Variants in MGAT5 observed in about 807,000 individuals in gnomAD.
MGAT5 encodes the protein alpha-1,6-mannosylglycoprotein 6-beta-N-acetylglucosaminyltransferase.
MGAT5 carries 30 observed loss-of-function variants against 94.3 expected under a neutral mutation model. That is an observed-to-expected ratio of 0.32 (90% CI 0.24 to 0.43). The LOEUF (loss-of-function observed/expected upper bound fraction) is 0.43, where lower values mean the gene tolerates loss of function less well. Among genes scored for constraint, MGAT5 ranks in the 20% least tolerant of loss-of-function variants. The pLI is 1.00. For synonymous variants in MGAT5, 310 were observed against 322.9 expected, an observed-to-expected ratio of 0.96 and a Z score of 0.43; for missense variants, 691 against 905.5, an observed-to-expected ratio of 0.76 and a Z score of 3.04.
At chr2:134,236,260 T>C (rs1382225467) in intron 1 of MGAT5, among the ~76,000 whole-genome samples, 2 of 152,126 alleles carry the variant, frequency 1.3e-5, no homozygotes, top group African/African-American at 4.8e-5. Flanking sequence ...TTCTTCACCT[T>C]TTATTCCTGG....
At chr2:134,170,373 T>C (rs575040574) in intron 1 of MGAT5, among the ~76,000 whole-genome samples, 2 of 152,212 alleles carry the variant, frequency 1.3e-5, no homozygotes, top group African/African-American at 2.4e-5. Context: ...GTCCATCCTT[T>C]AGTAAACATT....
At chr2:134,351,719 A>G (rs1679393697) in intron 9 of MGAT5, among the ~76,000 whole-genome samples, 1 of 152,148 alleles carries the variant, frequency 6.6e-6, no homozygotes. Context: ...GAAAATTGAT[A>G]TGCTTGACTA....
chr2:134,221,039 C>A (rs1281020628), intron 1 of MGAT5, among the ~76,000 whole-genome samples: 1 of 152,074 alleles, frequency 6.6e-6, no homozygotes, highest in Non-Finnish European at 1.5e-5. Context: ...GTTGAGAGCC[C>A]CACTCTTTCT....
chr2:134,189,119 T>C (rs950779608), intron 1 of MGAT5, among the ~76,000 whole-genome samples: 3 of 152,184 alleles, frequency 2.0e-5, no homozygotes, highest in African/African-American at 4.8e-5. Context: ...GTCCAGTTTC[T>C]ATTGGGGTTT....
At chr2:134,343,458 G>A (rs1448083553) in intron 7 of MGAT5, among the ~76,000 whole-genome samples, 4 of 152,160 alleles carry the variant, frequency 2.6e-5, no homozygotes, top group African/African-American at 4.8e-5. Context: ...ACTGGGGTCA[G>A]GGCTAGATGT....
chr2:134,181,884 C>T (rs1688750459), intron 1 of MGAT5, among the ~76,000 whole-genome samples: 1 of 152,158 alleles, frequency 6.6e-6, no homozygotes, highest in Admixed American at 6.5e-5. Flanking sequence ...ATCTCTAACC[C>T]TTATGGTACA....
intron 1 of MGAT5, among the ~76,000 whole-genome samples, chr2:134,175,787 C>T (rs1439605385): frequency 2.6e-5 from 4 of 152,180 alleles, no homozygotes; most frequent in Non-Finnish European, 5.9e-5. Flanking sequence ...GTGTCCACCT[C>T]CCTGGAAGAA....
chr2:134,322,961 A>T (rs1175889329), intron 4 of MGAT5, among the ~76,000 whole-genome samples: 1 of 152,168 alleles, frequency 6.6e-6, no homozygotes, highest in Non-Finnish European at 1.5e-5. Context: ...AGATGCCAAA[A>T]GGACATGAAG....
At chr2:134,177,005 G>A (rs979888430) in intron 1 of MGAT5, among the ~76,000 whole-genome samples, 2 of 152,104 alleles carry the variant, frequency 1.3e-5, no homozygotes, top group African/African-American at 4.8e-5. Flanking sequence ...TGCCCAAGTG[G>A]GTTCCCCTTA....
At chr2:134,247,359 T>TAAAAAAAAAAAAAA (rs34029606) in intron 1 of MGAT5, among the ~76,000 whole-genome samples, 2 of 91,500 alleles carry the variant, frequency 2.2e-5, no homozygotes, top group South Asian at 4.2e-4. Context: ...GGGCCTGAAT[T>TAAAAAAAAAAAAAA]AAAAAAAAAA....
At chr2:134,250,818 ATT>A (rs1350791620), upstream of MGAT5, among the ~76,000 whole-genome samples, 1 of 152,084 alleles carries the variant, frequency 6.6e-6, no homozygotes, top group Non-Finnish European at 1.5e-5. Flanking sequence ...AACTGGGATA[ATT>A]TTACCTAGGC....
chr2:134,442,404 G>A lies in MGAT5; in HGVS notation c.2027+489G>A, dbSNP rs139441868. On this transcript the variant is annotated intron_variant, in intron 15 of 15. Coordinates refer to ENST00000281923, the MANE Select transcript of MGAT5 (RefSeq NM_002410.5). Reference sequence around the variant, plus strand: ...GAATGAGAAACATGGAGAAGGAGCCGGCACAAAACTGCCCACAACAATCTC... The same window carrying A: ...GAATGAGAAACATGGAGAAGGAGCCAGCACAAAACTGCCCACAACAATCTC... Among the ~76,000 whole-genome samples, 192 of 152,184 alleles carry A rather than the reference G, an allele frequency of 1.3e-3. 1 individual carries two copies. Among genetic ancestry groups the A allele is most frequent in the African/African-American group, 4.2e-3 (173 of 41,512 alleles).
chr2:134,334,031 A>T lies in MGAT5; in HGVS notation c.574-2186A>T, dbSNP rs74592094. The stretch of plus-strand genomic sequence containing the variant: ...CCCGCTCTGTGCTAAGATGTTCATA[A>T]TTGATTTTCCCACCATTACGAGTGC... On this transcript the variant is annotated intron_variant, in intron 4 of 15. Transcript: ENST00000281923. Among the ~76,000 whole-genome samples the T allele has an allele frequency of 7.9e-3, 1,197 of 152,272 alleles. 20 individuals are homozygous for T. Among genetic ancestry groups the T allele is most frequent in the African/African-American group, 0.028 (1,144 of 41,560 alleles).
chr2:134,423,839 T>C (rs945351287), intron 13 of MGAT5, among the ~76,000 whole-genome samples: 1 of 152,224 alleles, frequency 6.6e-6, no homozygotes, highest in African/African-American at 2.4e-5. Context: ...GTTTAGTGTT[T>C]AGTCAATATT....
At chr2:134,126,636 CCTTA>C (rs898657165) in intron 1 of MGAT5, among the ~76,000 whole-genome samples, 4 of 152,156 alleles carry the variant, frequency 2.6e-5, no homozygotes, top group African/African-American at 7.2e-5. Context: ...AAACCTTGGT[CCTTA>C]CTTTCAGCCC....
intron 1 of MGAT5, among the ~76,000 whole-genome samples, chr2:134,233,299 T>C (rs76244698): frequency 0.016 from 2,407 of 152,316 alleles, 43 homozygotes; most frequent in East Asian, 0.1. Flanking sequence ...CTATGGGTCA[T>C]AATGAATTCA....
chr2:134,221,491 T>C (rs964772622), intron 1 of MGAT5, among the ~76,000 whole-genome samples: 10 of 152,222 alleles, frequency 6.6e-5, no homozygotes, highest in Middle Eastern at 3.4e-3. Context: ...GAGCAGGTTG[T>C]AAAATGTTGC....
chr2:134,120,927 C>T (rs971239357), intron 1 of MGAT5, among the ~76,000 whole-genome samples: 4 of 151,958 alleles, frequency 2.6e-5, no homozygotes, highest in African/African-American at 9.7e-5. Context: ...GTGATCCCGC[C>T]GGCGCGCTCA....
At chr2:134,423,678 C>G (rs1333801879) in intron 13 of MGAT5, among the ~76,000 whole-genome samples, 1 of 152,180 alleles carries the variant, frequency 6.6e-6, no homozygotes, top group Non-Finnish European at 1.5e-5. Flanking sequence ...GCAGGCTGGA[C>G]GCACACAGTG....
Sources: allele counts gnomAD v4.1 joint callset (sites outside exome capture counted in the v4.1 genomes callset), GRCh38; gene constraint gnomAD v4.1.1; transcripts MANE v1.5; gene names NCBI Gene and HGNC (gene_info 2026-07-23, HGNC 2026-07-21).